The following CERS5 variants were observed in gnomAD, a reference collection of about 807,000 sequenced individuals.
CERS5 encodes ceramide synthase 5.
A neutral mutation model predicts 58.9 loss-of-function variants in CERS5; 37 were observed. That is an observed-to-expected ratio of 0.63 (90% confidence interval 0.48 to 0.83). The LOEUF (loss-of-function observed/expected upper bound fraction) is 0.83, where lower values mean the gene tolerates loss of function less well. Ranked by LOEUF, CERS5 falls within the 40% of genes least tolerant of loss-of-function variation. The probability of loss-of-function intolerance (pLI) is 0.00; values close to 1 mark genes in which losing one functional copy is unlikely to be tolerated. For missense variants in CERS5, 398 were observed against 489.3 expected, an observed-to-expected ratio of 0.81 and a Z score of 1.76; for synonymous variants, 147 against 177.8, an observed-to-expected ratio of 0.83 and a Z score of 1.38.
intron 9 of CERS5, chr12:50,132,961 C>G (rs1268311711): frequency 1.6e-6 from 2 of 1,288,884 alleles, no homozygotes; most frequent in African/African-American, 3.0e-5. Context: ...GATACACTTA[C>G]ATGCAAGAGA....
intron 1 of CERS5, among the ~76,000 whole-genome samples, chr12:50,163,443 C>T (rs144811552): frequency 2.3e-3 from 344 of 152,138 alleles, no homozygotes; most frequent in African/African-American, 7.7e-3. Flanking sequence ...AGTGATCTGC[C>T]TGCCTCGGCC....
intron 1 of CERS5, 123 bp downstream of exon 1, chr12:50,166,978 A>G (rs938022874): frequency 2.1e-5 from 17 of 814,526 alleles, no homozygotes; most frequent in African/African-American, 3.7e-5. Context: ...CCGCGGCCCA[A>G]GCTCCCCCAG....
chr12:50,137,655 T>G (rs1951756354), intron 6 of CERS5, 73 bp downstream of exon 6: 8 of 817,612 alleles, frequency 9.8e-6, no homozygotes, highest in Non-Finnish European at 1.5e-5. Flanking sequence ...TAATACATCG[T>G]AATGGCAGTC....
intron 1 of CERS5, among the ~76,000 whole-genome samples, chr12:50,151,797 C>A (rs905552914): frequency 1.8e-4 from 27 of 152,146 alleles, no homozygotes; most frequent in Non-Finnish European, 2.9e-4. Flanking sequence ...AAGTGCCCAC[C>A]ACCACACCTG....
Position 50,143,916 on chromosome 12 carries a change from A to C in CERS5, c.303+36T>G, listed in dbSNP as rs775876931. 12 of 1,271,718 alleles carry C rather than the reference A, an allele frequency of 9.4e-6. No individual in the cohort carries two copies. In the Admixed American group the frequency reaches 2.0e-4, roughly 21 times the overall value. 78.8% of individuals were successfully genotyped at this position (1,271,718 alleles called of 1,614,324 possible). On this transcript the variant is annotated intron_variant, in intron 2 of 9. Coordinates refer to ENST00000317551, the MANE Select transcript of CERS5 (RefSeq NM_147190.5). ...CCCCTGCCCCATGGAGCAACGCCTT[A>C]TGTGAATATTCCTCTCTGTTTCTTT...
Position 50,133,144 on chromosome 12 carries a change from T to C in CERS5, c.1029+1402A>G, listed in dbSNP as rs79996863. 2,248 of 1,247,344 alleles carry C rather than the reference T, an allele frequency of 1.8e-3. 21 individuals are homozygous for C. The African/African-American group carries it at 0.031, about 17-fold the overall frequency. 77.3% of individuals were successfully genotyped at this position (1,247,344 alleles called of 1,614,324 possible). Reference sequence around the variant, plus strand: ...ATGCACAGGCACACTGAGCAAGTTCTGAGCCAATGGCAGCTATAAGGAATA... The same window carrying C: ...ATGCACAGGCACACTGAGCAAGTTCCGAGCCAATGGCAGCTATAAGGAATA... On this transcript the variant is annotated intron_variant, in intron 9 of 9. Coordinates refer to ENST00000317551, the MANE Select transcript of CERS5 (RefSeq NM_147190.5).
chr12:50,150,564 A>T (rs979872374), intron 1 of CERS5, among the ~76,000 whole-genome samples: 19 of 152,144 alleles, frequency 1.2e-4, no homozygotes, highest in African/African-American at 4.3e-4. Context: ...AATGTAAGTG[A>T]TAGCTAAATT....
chr12:50,156,420 C>T (rs538087101), intron 1 of CERS5, among the ~76,000 whole-genome samples: 1 of 77,350 alleles, frequency 1.3e-5, no homozygotes, highest in Non-Finnish European at 2.7e-5. Context: ...AACAAACAAA[C>T]TATATATATA....
Position 50,167,204 on chromosome 12 carries a change from G to A in CERS5, c.94C>T (p.Leu32=), listed in dbSNP as rs138565968. Reference sequence around the variant, plus strand: ...CCGTAGCCGTCGGCCGGCCCCTCCAGATCAGCCCAGCTCACGTTCTCGGGT... The same window carrying A: ...CCGTAGCCGTCGGCCGGCCCCTCCAAATCAGCCCAGCTCACGTTCTCGGGT... ...WLPENVSWAD[L]EGPADGYGYP... is the part of the protein sequence containing the mutation. The change falls in exon 1 of 10, where the codon CTG becomes TTG. Residue 32 remains leucine, a synonymous_variant. Transcript: ENST00000317551. 1.2e-6 allele frequency: 2 copies of A among 1,607,584 alleles called. No homozygotes were observed. Among genetic ancestry groups the A allele is most frequent in the Non-Finnish European group, 1.7e-6 (2 of 1,178,354 alleles).
chr12:50,132,423 TAA>T (rs34632215), intron 9 of CERS5, among the ~76,000 whole-genome samples: 56,393 of 147,952 alleles, frequency 0.38, 11,045 homozygotes, highest in African/African-American at 0.49. Context: ...AAATAAAAAT[TAA>T]AAAAAAAAAA....
intron 1 of CERS5, among the ~76,000 whole-genome samples, chr12:50,149,765 C>T (rs949442737): frequency 1.3e-5 from 2 of 152,120 alleles, no homozygotes; most frequent in African/African-American, 4.8e-5. Context: ...GACAGAGTCT[C>T]GCTCTGATGC....
chr12:50,132,586 G>A (rs1254549931), intron 9 of CERS5, among the ~76,000 whole-genome samples: 3 of 152,160 alleles, frequency 2.0e-5, no homozygotes, highest in Non-Finnish European at 4.4e-5. Context: ...TGCCAAGGAG[G>A]TGGGCATTTG....
intron 1 of CERS5, among the ~76,000 whole-genome samples, chr12:50,153,106 G>A (rs1938155087): frequency 6.6e-6 from 1 of 151,742 alleles, no homozygotes; most frequent in Non-Finnish European, 1.5e-5. Context: ...TATAATAAGT[G>A]AGCCCGTCAT....
intron 1 of CERS5, among the ~76,000 whole-genome samples, chr12:50,155,055 A>AAACC (rs1938412547): frequency 6.6e-6 from 1 of 151,762 alleles, no homozygotes; most frequent in Admixed American, 6.6e-5. Context: ...ACGGGGTTTC[A>AAACC]CCGTGTTGGC....
At chr12:50,134,778 G>A in intron 8 of CERS5, 76 bp from the exon 9 acceptor site, 1 of 1,360,962 alleles carries the variant, frequency 7.3e-7, no homozygotes, top group South Asian at 1.4e-5. Flanking sequence ...TCCTGGGGAT[G>A]CAGAGCCCTG....
rs1051325630 is a variant in CERS5 at position 50,145,543 on chromosome 12, A to G, written c.198-1486T>C. ...CTCTAAAGGAGGGATTGAGAATAAG[A>G]AACTTTATCTCCCTCTATGAAAACT... On this transcript the variant is annotated intron_variant, in intron 1 of 9. Coordinates refer to ENST00000317551, the MANE Select transcript of CERS5 (RefSeq NM_147190.5). Among the ~76,000 whole-genome samples the G allele has an allele frequency of 1.2e-4, 18 of 152,184 alleles. 1 individual carries two copies. Among genetic ancestry groups the G allele is most frequent in the African/African-American group, 3.9e-4 (16 of 41,442 alleles).
intron 4 of CERS5, among the ~76,000 whole-genome samples, chr12:50,139,325 C>CA (rs1951843920): frequency 6.6e-6 from 1 of 151,616 alleles, no homozygotes. Flanking sequence ...ACAAAAAATA[C>CA]AAAAATTAGC....
intron 1 of CERS5, among the ~76,000 whole-genome samples, chr12:50,145,212 TG>T (rs1952204115): frequency 6.6e-6 from 1 of 151,930 alleles, no homozygotes; most frequent in South Asian, 2.1e-4. Context: ...AAGATTTTTT[TG>T]TATATCTAAG....
intron 1 of CERS5, among the ~76,000 whole-genome samples, chr12:50,163,719 C>T (rs1939559186): frequency 6.6e-6 from 1 of 152,100 alleles, no homozygotes; most frequent in South Asian, 2.1e-4. Context: ...GATCACGGCT[C>T]ACTGCAGTCT....
Sources: gnomAD v4.1 joint callset for allele counts (sites outside exome capture counted in the v4.1 genomes callset) on GRCh38, gnomAD v4.1.1 for gene constraint, MANE v1.5 for transcripts, NCBI Gene and HGNC (gene_info 2026-07-23, HGNC 2026-07-21) for gene names.